The following SPATS2L variants were observed in gnomAD, a reference collection of about 807,000 sequenced individuals.
SPATS2L encodes SPATS2-like protein.
Under a neutral mutation model 59.6 loss-of-function variants are expected in SPATS2L, and 30 were observed. The ratio of observed to expected loss-of-function variants is 0.50; its 90% confidence interval spans 0.38 to 0.68. The LOEUF is 0.68. SPATS2L is among the 30% of genes least tolerant of loss of function. SPATS2L has a pLI of 0.00. For synonymous variants in SPATS2L, 252 were observed against 263.5 expected (o/e 0.96, Z 0.42); for missense variants, 615 against 700.0 (o/e 0.88, Z 1.37).
At chr2:200,380,092 A>C (rs2081751279) in intron 2 of SPATS2L, among the ~76,000 whole-genome samples, 1 of 152,178 alleles carries the variant, frequency 6.6e-6, no homozygotes, top group Admixed American at 6.5e-5. Context: ...TTCAAATTAA[A>C]TAGAAAAACC....
chr2:200,341,967 C>T (rs2080345571), intron 2 of SPATS2L, among the ~76,000 whole-genome samples: 2 of 152,140 alleles, frequency 1.3e-5, no homozygotes, highest in South Asian at 2.1e-4. Flanking sequence ...GGATTACAGG[C>T]GTGAGCCACC....
chr2:200,406,245 G>A (rs995694993), intron 3 of SPATS2L, among the ~76,000 whole-genome samples: 4 of 152,102 alleles, frequency 2.6e-5, no homozygotes, highest in Non-Finnish European at 5.9e-5. Context: ...CAGCTGTCAT[G>A]TACATTCTAA....
intron 11 of SPATS2L, among the ~76,000 whole-genome samples, chr2:200,472,557 T>C (rs183161155): frequency 9.8e-5 from 15 of 152,318 alleles, no homozygotes; most frequent in South Asian, 4.1e-4. Context: ...TAAAGAATAA[T>C]ATTTAAGTTG....
intron 2 of SPATS2L, among the ~76,000 whole-genome samples, chr2:200,368,449 A>T (rs1181037810): frequency 6.6e-6 from 1 of 152,342 alleles, no homozygotes. Flanking sequence ...CTCAGATACT[A>T]ATTTGCCTCA....
chr2:200,389,325 A>G (rs571735185), intron 3 of SPATS2L, 42 bp downstream of exon 3: 2 of 1,423,852 alleles, frequency 1.4e-6, no homozygotes, highest in East Asian at 2.4e-5. Flanking sequence ...ACTCCAAACT[A>G]GGTAATGCAG....
intron 6 of SPATS2L, among the ~76,000 whole-genome samples, chr2:200,426,082 CTTTTTTT>C (rs769997762): frequency 2.1e-4 from 13 of 62,324 alleles, no homozygotes; most frequent in African/African-American, 5.2e-4. Flanking sequence ...TAGGTTTTTA[CTTTTTTT>C]TTTTTTTTTT....
chr2:200,358,229 C>A (rs2080980736), intron 2 of SPATS2L, among the ~76,000 whole-genome samples: 1 of 152,174 alleles, frequency 6.6e-6, no homozygotes, highest in Admixed American at 6.5e-5. Context: ...AGACCATTTT[C>A]AGAATAAGCC....
intron 1 of SPATS2L, among the ~76,000 whole-genome samples, chr2:200,322,689 G>A (rs900886100): frequency 6.6e-5 from 10 of 152,160 alleles, no homozygotes; most frequent in Admixed American, 3.3e-4. Context: ...TGAAGATCAA[G>A]GTACAGGTAT....
intron 9 of SPATS2L, among the ~76,000 whole-genome samples, chr2:200,466,000 C>A (rs62279309): frequency 1.3e-5 from 2 of 152,214 alleles, no homozygotes; most frequent in African/African-American, 4.8e-5. Context: ...CCACGGCACT[C>A]CAGCCTGGAC....
rs545244551 is a variant in SPATS2L at position 200,328,289 on chromosome 2, A to G, written c.-72-1142A>G. 2.0e-5 allele frequency among the ~76,000 whole-genome samples: 3 copies of G among 152,300 alleles called. No homozygotes were observed. In the South Asian group the frequency reaches 6.2e-4, roughly 32 times the overall value. On this transcript the variant is annotated intron_variant, in intron 1 of 12. Coordinates refer to ENST00000409140, the MANE Select transcript of SPATS2L (RefSeq NM_001100423.2). ...GCTTATGGAGGTCATTACAAAGTGT[A>G]GGCTGTGTCCTGTGTTATATCTTTG... is the stretch of plus-strand genomic sequence containing the variant.
chr2:200,449,889 AC>A (rs1305918836), intron 8 of SPATS2L, among the ~76,000 whole-genome samples: 17 of 152,212 alleles, frequency 1.1e-4, no homozygotes, highest in Admixed American at 1.1e-3. Context: ...TAAGTCAGCA[AC>A]AAATCATATA....
chr2:200,479,645 G>A lies in SPATS2L; in HGVS notation c.*1614G>A, dbSNP rs1025315900. On this transcript the variant is annotated 3_prime_UTR_variant, in exon 13 of 13. Coordinates refer to ENST00000409140, the MANE Select transcript of SPATS2L (RefSeq NM_001100423.2). Reference sequence around the variant, plus strand: ...TACAGGGCAGTCCAGTTTGGGTGCCGCTTCCGTTGCACTCACATGTCCTAC... The same window carrying A: ...TACAGGGCAGTCCAGTTTGGGTGCCACTTCCGTTGCACTCACATGTCCTAC... 7.5e-6 allele frequency: 3 copies of A among 398,590 alleles called. No homozygotes were observed. The highest frequency in any genetic ancestry group is 8.8e-6 in the Non-Finnish European group (2 of 226,058). 24.7% of individuals were successfully genotyped at this position (398,590 alleles called of 1,614,324 possible).
intron 12 of SPATS2L, among the ~76,000 whole-genome samples, chr2:200,474,667 TTTTCA>T (rs1396461308): frequency 1.3e-5 from 2 of 152,196 alleles, no homozygotes; most frequent in African/African-American, 4.8e-5. Flanking sequence ...GAGTTTCCCT[TTTTCA>T]TAATTTCTTT....
At chr2:200,308,754 C>A in intron 1 of SPATS2L, 1 of 377,622 alleles carries the variant, frequency 2.6e-6, no homozygotes, top group South Asian at 5.1e-5. Context: ...TGGGAAAAGA[C>A]TGTATTAATT....
chr2:200,320,421 A>T (rs1319916419), intron 1 of SPATS2L, among the ~76,000 whole-genome samples: 1 of 152,236 alleles, frequency 6.6e-6, no homozygotes, highest in Admixed American at 6.5e-5. Context: ...GTTCAAAGGA[A>T]TTGCTATGTA....
upstream of SPATS2L, chr2:200,306,081 G>C (rs2079003629): frequency 3.0e-6 from 3 of 985,626 alleles, no homozygotes; most frequent in East Asian, 1.1e-4. Flanking sequence ...GCGCAGAGGA[G>C]GCGGCGGAAC....
chr2:200,352,313 T>TA lies in SPATS2L; in HGVS notation c.-23+22833_-23+22834insA, dbSNP rs1559060459. On this transcript the variant is annotated intron_variant, in intron 2 of 12. Coordinates refer to ENST00000409140, the MANE Select transcript of SPATS2L (RefSeq NM_001100423.2). ...TTTGAGGCTATATAACCAGCAGTTT[T>TA]TATATATATATATATATATATATAT... is the stretch of plus-strand genomic sequence containing the variant. 4.2e-3 allele frequency among the ~76,000 whole-genome samples: 36 copies of TA among 8,642 alleles called. 10 individuals carry two copies. Among genetic ancestry groups the TA allele is most frequent in the Admixed American group, 7.2e-3 (2 of 278 alleles). The allele number at this position is 8,642 out of a possible 152,430, so 5.7% of individuals were successfully genotyped here. A position where few individuals can be genotyped will look rare whatever the true frequency, so the allele number is the denominator to read the frequency against.
Position 200,370,378 on chromosome 2 carries a change from C to T in SPATS2L, c.-22-18845C>T, listed in dbSNP as rs188180331. 1.3e-3 allele frequency among the ~76,000 whole-genome samples: 192 copies of T among 152,106 alleles called. 1 individual carries two copies. The highest frequency in any genetic ancestry group is 4.4e-3 in the African/African-American group (181 of 41,498). On this transcript the variant is annotated intron_variant, in intron 2 of 12. Coordinates refer to ENST00000409140, the MANE Select transcript of SPATS2L (RefSeq NM_001100423.2). ...CATCAACGCAGTTTTCACAATATCT[C>T]GGGGTTTCATTATGGATTTAATGGA... is the stretch of plus-strand genomic sequence containing the variant.
At chr2:200,396,879 G>C (rs576515035) in intron 3 of SPATS2L, among the ~76,000 whole-genome samples, 2 of 152,242 alleles carry the variant, frequency 1.3e-5, no homozygotes, top group South Asian at 4.1e-4. Context: ...TTTTCTCATA[G>C]GAAAGGGTCA....
Sources: allele counts gnomAD v4.1 joint callset (sites outside exome capture counted in the v4.1 genomes callset), GRCh38; gene constraint gnomAD v4.1.1; transcripts MANE v1.5; gene names NCBI Gene and HGNC (gene_info 2026-07-23, HGNC 2026-07-21).